Variants in FARP2 observed in about 807,000 individuals in gnomAD.
FARP2 encodes the protein FERM, ARH/RhoGEF and pleckstrin domain protein 2, also known as FERM, ARHGEF and pleckstrin domain-containing protein 2.
FARP2 carries 111 observed loss-of-function variants against 130.5 expected under a neutral mutation model. The ratio of observed to expected loss-of-function variants is 0.85; its 90% CI spans 0.73 to 1.00. The LOEUF is 1.00. Among genes scored for constraint, FARP2 ranks in the 50% least tolerant of loss-of-function variants. The pLI is 0.00. For missense variants in FARP2, 1,385 were observed against 1,346.3 expected, an observed-to-expected ratio of 1.03 and a Z score of -0.45; for synonymous variants, 504 against 516.9, an observed-to-expected ratio of 0.98 and a Z score of 0.34.
chr2:241,421,721 A>C (rs916950666), intron 8 of FARP2, among the ~76,000 whole-genome samples: 12 of 12,940 alleles, frequency 9.3e-4, no homozygotes, highest in Admixed American at 3.9e-3. Context: ...CTCCTGGGAT[A>C]TAAAGCTTTT....
At chr2:241,448,909 G>A (rs1261531440) in intron 13 of FARP2, among the ~76,000 whole-genome samples, 2 of 152,188 alleles carry the variant, frequency 1.3e-5, no homozygotes, top group East Asian at 3.9e-4. Context: ...ACACCTTCAC[G>A]TCCTGTCCTG....
intron 8 of FARP2, among the ~76,000 whole-genome samples, chr2:241,427,270 A>AT (rs2062966332): frequency 1.3e-5 from 2 of 152,134 alleles, no homozygotes; most frequent in South Asian, 4.1e-4. Flanking sequence ...TGTCTGTGTA[A>AT]TTTTTTAAAA....
At chr2:241,371,680 G>A (rs905466345) in intron 1 of FARP2, among the ~76,000 whole-genome samples, 3 of 152,058 alleles carry the variant, frequency 2.0e-5, no homozygotes, top group Admixed American at 6.5e-5. Flanking sequence ...AAAATAATGC[G>A]TGCAGTGCTA....
At chr2:241,365,083 T>C (rs1408317822) in intron 1 of FARP2, among the ~76,000 whole-genome samples, 1 of 152,176 alleles carries the variant, frequency 6.6e-6, no homozygotes, top group Admixed American at 6.5e-5. Context: ...AGCTTCTCTC[T>C]CCCTCTCTCT....
chr2:241,424,091 C>A (rs1256432841), intron 8 of FARP2, among the ~76,000 whole-genome samples: 2 of 152,194 alleles, frequency 1.3e-5, no homozygotes, highest in Non-Finnish European at 1.5e-5. Context: ...AGGACCTGAA[C>A]TCAGCCCTGG....
At chr2:241,419,373 G>A (rs1301329794) in intron 8 of FARP2, among the ~76,000 whole-genome samples, 1 of 152,006 alleles carries the variant, frequency 6.6e-6, no homozygotes, top group Non-Finnish European at 1.5e-5. Context: ...TATCCAAACT[G>A]AGCCATTGCC....
intron 13 of FARP2, among the ~76,000 whole-genome samples, chr2:241,455,410 C>G (rs1242745365): frequency 6.6e-6 from 1 of 151,560 alleles, no homozygotes; most frequent in East Asian, 1.9e-4. Flanking sequence ...GATGGAGTCT[C>G]ACTCTTGTTG....
At chr2:241,394,813 C>T (rs568339133) in intron 2 of FARP2, among the ~76,000 whole-genome samples, 6 of 152,302 alleles carry the variant, frequency 3.9e-5, no homozygotes, top group African/African-American at 1.4e-4. Flanking sequence ...CTCTCCCTCT[C>T]ATCTGTGGTC....
At chr2:241,368,032 A>C (rs868577487) in intron 1 of FARP2, among the ~76,000 whole-genome samples, 1 of 151,398 alleles carries the variant, frequency 6.6e-6, no homozygotes. Flanking sequence ...ATTTGTTACA[A>C]ACCTACTCAG....
chr2:241,373,492 T>C (rs1207853409), intron 2 of FARP2, among the ~76,000 whole-genome samples: 1 of 152,226 alleles, frequency 6.6e-6, no homozygotes, highest in Non-Finnish European at 1.5e-5. Context: ...TTGTTTAAAA[T>C]TGTAGTACAA....
At chr2:241,390,399 C>G (rs773234778) in intron 2 of FARP2, among the ~76,000 whole-genome samples, 2 of 152,200 alleles carry the variant, frequency 1.3e-5, no homozygotes, top group Non-Finnish European at 2.9e-5. Flanking sequence ...CAGCCCCTCT[C>G]CTAGGTTCCT....
intron 2 of FARP2, among the ~76,000 whole-genome samples, chr2:241,387,896 A>G (rs1198243349): frequency 6.6e-6 from 1 of 152,224 alleles, no homozygotes; most frequent in Non-Finnish European, 1.5e-5. Context: ...TTGTACACAG[A>G]AAATCATAAA....
At chr2:241,417,427 C>G (rs1174408005) in intron 7 of FARP2, among the ~76,000 whole-genome samples, 2 of 152,036 alleles carry the variant, frequency 1.3e-5, no homozygotes, top group East Asian at 3.9e-4. Flanking sequence ...GCTCTGTCAC[C>G]CAGGCTGAAG....
intron 11 of FARP2, among the ~76,000 whole-genome samples, 193 bp from the exon 12 acceptor site, chr2:241,436,288 T>TA (rs1301641189): frequency 2.0e-5 from 3 of 152,188 alleles, no homozygotes; most frequent in East Asian, 1.9e-4. Context: ...TGTGTAATCT[T>TA]ACCTCTCTTG....
chr2:241,418,534 G>A (rs908366137), intron 8 of FARP2, among the ~76,000 whole-genome samples: 10 of 152,128 alleles, frequency 6.6e-5, no homozygotes, highest in African/African-American at 1.2e-4. Flanking sequence ...GACTGTGAGC[G>A]CTTTAGAGTG....
intron 8 of FARP2, among the ~76,000 whole-genome samples, chr2:241,425,214 A>G (rs368898808): frequency 1.3e-5 from 2 of 152,298 alleles, no homozygotes; most frequent in Non-Finnish European, 2.9e-5. Context: ...CTCAAAAACA[A>G]AAACAAAAAA....
At chr2:241,403,757 G>T (rs2062256036) in intron 2 of FARP2, 71 bp from the exon 3 acceptor site, 1 of 869,174 alleles carries the variant, frequency 1.2e-6, no homozygotes. Flanking sequence ...GTAGTTTTAT[G>T]CACAGTTTTC....
At chr2:241,478,428 C>A in intron 19 of FARP2, 1 of 248,186 alleles carries the variant, frequency 4.0e-6, no homozygotes. Flanking sequence ...GGTAGCTTGT[C>A]CAAATGGCTC....
intron 2 of FARP2, among the ~76,000 whole-genome samples, chr2:241,402,560 CTT>C (rs1264156301): frequency 2.0e-5 from 3 of 151,964 alleles, no homozygotes; most frequent in East Asian, 3.9e-4. Context: ...CTTAGGAAGA[CTT>C]TACCTTTCCC....
Sources: allele counts gnomAD v4.1 joint callset (sites outside exome capture counted in the v4.1 genomes callset), GRCh38; gene constraint gnomAD v4.1.1; transcripts MANE v1.5; gene names NCBI Gene and HGNC (gene_info 2026-07-23, HGNC 2026-07-21).